SHISA6: variants seen among roughly 807,000 people sequenced by gnomAD.
SHISA6 encodes the protein shisa family member 6.
A neutral mutation model predicts 47.9 loss-of-function variants in SHISA6; 22 were observed. That is an observed-to-expected ratio of 0.46 (90% confidence interval 0.33 to 0.66). SHISA6 has a LOEUF of 0.66. Among genes scored for constraint, SHISA6 ranks in the 30% least tolerant of loss-of-function variants. The probability of loss-of-function intolerance (pLI) is 0.02; values close to 1 mark genes in which losing one functional copy is unlikely to be tolerated. For missense variants in SHISA6, 680 were observed against 764.6 expected, an observed-to-expected ratio of 0.89 and a Z score of 1.30; for synonymous variants, 388 against 337.8, an observed-to-expected ratio of 1.15 and a Z score of -1.63.
In SHISA6 at chr17:11,563,517, C is replaced by T. The variant is rs2072065208; in HGVS notation, c.*5213C>T. ...AAATAATGTTGTGGCTGTGTGTTTC[C>T]TTAATGCTCTCCCTCCTGAGGGAGG... On this transcript the variant is annotated 3_prime_UTR_variant, in exon 6 of 6. Transcript: ENST00000441885. The T allele has an allele frequency of 6.6e-6, 1 of 152,190 alleles. No individual in the cohort carries two copies. Among genetic ancestry groups the T allele is most frequent in the South Asian group, 2.1e-4 (1 of 4,828 alleles). The allele number at this position is 152,190 out of a possible 1,614,324, so 9.4% of individuals were successfully genotyped here. A position where few individuals can be genotyped will look rare whatever the true frequency, so the allele number is the denominator to read the frequency against.
intron 3 of SHISA6, among the ~76,000 whole-genome samples, chr17:11,480,210 A>T (rs919257830): frequency 2.0e-5 from 3 of 151,850 alleles, no homozygotes; most frequent in Non-Finnish European, 2.9e-5. Flanking sequence ...TTCTTTCAAA[A>T]TTTTTTCTTT....
intron 3 of SHISA6, among the ~76,000 whole-genome samples, chr17:11,503,328 A>C (rs1301181330): frequency 6.6e-6 from 1 of 151,998 alleles, no homozygotes; most frequent in African/African-American, 2.4e-5. Context: ...AATATAACTT[A>C]AACGAAGCAA....
intron 2 of SHISA6, among the ~76,000 whole-genome samples, chr17:11,272,812 G>A (rs1908731164): frequency 6.6e-6 from 1 of 152,172 alleles, no homozygotes; most frequent in South Asian, 2.1e-4. Flanking sequence ...AGTCACGAAG[G>A]TTTAGGATGA....
intron 3 of SHISA6, among the ~76,000 whole-genome samples, chr17:11,417,707 C>T (rs767744082): frequency 1.3e-5 from 2 of 152,138 alleles, no homozygotes; most frequent in Non-Finnish European, 2.9e-5. Context: ...GCTGGTAGTT[C>T]GGACATGGTA....
At chr17:11,427,916 C>T (rs372375511) in intron 3 of SHISA6, among the ~76,000 whole-genome samples, 1 of 152,128 alleles carries the variant, frequency 6.6e-6, no homozygotes, top group South Asian at 2.1e-4. Flanking sequence ...TCCAGCTGCC[C>T]CTAGTCTACT....
At chr17:11,261,541 C>G (rs1293801529) in intron 1 of SHISA6, among the ~76,000 whole-genome samples, 1 of 152,216 alleles carries the variant, frequency 6.6e-6, no homozygotes, top group Non-Finnish European at 1.5e-5. Context: ...ACGGATTTAC[C>G]TAACTGGGTA....
intron 3 of SHISA6, among the ~76,000 whole-genome samples, chr17:11,517,735 C>T (rs941778304): frequency 4.6e-5 from 7 of 152,080 alleles, no homozygotes; most frequent in African/African-American, 1.7e-4. Flanking sequence ...AACTCCTGGG[C>T]TCAAGCAGTC....
Position 11,501,273 on chromosome 17 carries a change from C to T in SHISA6, c.896-50623C>T, listed in dbSNP as rs1427793336. 2.0e-5 allele frequency among the ~76,000 whole-genome samples: 3 copies of T among 152,158 alleles called. No homozygotes were observed. In the East Asian group the frequency reaches 5.8e-4, roughly 29 times the overall value. The stretch of plus-strand genomic sequence containing the variant: ...GATTACAGGTATCCGCCACCACGCC[C>T]AGCTAATTTTGTATTTTTAGTAGAG... On this transcript the variant is annotated intron_variant, in intron 3 of 5. Transcript: ENST00000441885.
At chr17:11,388,180 T>C (rs1172333780) in intron 3 of SHISA6, among the ~76,000 whole-genome samples, 1 of 151,740 alleles carries the variant, frequency 6.6e-6, no homozygotes, top group African/African-American at 2.4e-5. Flanking sequence ...GGGGAGTGAG[T>C]GGGTTTGAGT....
chr17:11,377,672 A>C (rs1912851567), intron 2 of SHISA6, among the ~76,000 whole-genome samples: 1 of 152,192 alleles, frequency 6.6e-6, no homozygotes, highest in Non-Finnish European at 1.5e-5. Flanking sequence ...TGAAGCCCTG[A>C]ACATAAATTG....
intron 3 of SHISA6, among the ~76,000 whole-genome samples, chr17:11,510,128 G>T (rs2071530574): frequency 6.6e-6 from 1 of 151,920 alleles, no homozygotes; most frequent in Non-Finnish European, 1.5e-5. Flanking sequence ...GGTGGTCCCA[G>T]GCTGGAGAGT....
intron 3 of SHISA6, among the ~76,000 whole-genome samples, chr17:11,492,779 G>C (rs1567620322): frequency 6.6e-6 from 1 of 152,118 alleles, no homozygotes; most frequent in African/African-American, 2.4e-5. Context: ...CCTAGCACAG[G>C]CTCTCTTCAT....
intron 2 of SHISA6, among the ~76,000 whole-genome samples, chr17:11,317,563 A>G (rs2142192947): frequency 6.6e-6 from 1 of 152,096 alleles, no homozygotes; most frequent in Non-Finnish European, 1.5e-5. Context: ...TCCTTGAAAA[A>G]TAATTGAATT....
chr17:11,333,595 A>G (rs1338286424), intron 2 of SHISA6, among the ~76,000 whole-genome samples: 1 of 151,902 alleles, frequency 6.6e-6, no homozygotes, highest in Non-Finnish European at 1.5e-5. Flanking sequence ...GCTCACTGCA[A>G]TCTCCGCCTC....
At chr17:11,374,081 C>G (rs188133750) in intron 2 of SHISA6, among the ~76,000 whole-genome samples, 18 of 152,252 alleles carry the variant, frequency 1.2e-4, no homozygotes, top group Admixed American at 9.8e-4. Context: ...TTAATTTTTG[C>G]TAGTCTATTG....
At chr17:11,500,567 G>A (rs1309777294) in intron 3 of SHISA6, among the ~76,000 whole-genome samples, 2 of 152,188 alleles carry the variant, frequency 1.3e-5, no homozygotes, top group Non-Finnish European at 2.9e-5. Flanking sequence ...TCCAGGCCAC[G>A]TTTTAAACCA....
intron 3 of SHISA6, among the ~76,000 whole-genome samples, chr17:11,513,210 G>A (rs1567625920): frequency 6.9e-6 from 1 of 144,140 alleles, no homozygotes; most frequent in East Asian, 2.1e-4. Flanking sequence ...GTGTATATAT[G>A]TATGTGTTAT....
At chr17:11,541,966 AAC>A (rs2071837738) in intron 3 of SHISA6, among the ~76,000 whole-genome samples, 3 of 152,230 alleles carry the variant, frequency 2.0e-5, no homozygotes, top group African/African-American at 7.2e-5. Flanking sequence ...AATTTATAAA[AAC>A]AGCCATTTCA....
At chr17:11,337,195 C>T (rs750881287) in intron 2 of SHISA6, among the ~76,000 whole-genome samples, 28 of 152,008 alleles carry the variant, frequency 1.8e-4, no homozygotes, top group Non-Finnish European at 2.9e-4. Flanking sequence ...GGAGAGGATC[C>T]AGGGGGCAGA....
Sources: gnomAD v4.1 joint callset for allele counts (sites outside exome capture counted in the v4.1 genomes callset) on GRCh38, gnomAD v4.1.1 for gene constraint, MANE v1.5 for transcripts, NCBI Gene and HGNC (gene_info 2026-07-23, HGNC 2026-07-21) for gene names.